Variants in PDE4D observed in about 807,000 individuals in gnomAD.
The protein encoded by PDE4D is phosphodiesterase 4D.
PDE4D carries 24 observed loss-of-function variants against 87.4 expected under a neutral mutation model. The ratio of observed to expected loss-of-function variants is 0.27; its 90% confidence interval spans 0.20 to 0.39. PDE4D has a LOEUF of 0.39. Ranked by LOEUF, PDE4D falls within the 10% of genes least tolerant of loss-of-function variation. PDE4D has a pLI of 1.00. For synonymous variants in PDE4D, 384 were observed against 383.2 expected (o/e 1.00, Z -0.02); for missense variants, 714 against 1,041.0 (o/e 0.69, Z 4.32).
At chr5:59,147,546 C>T (rs1216947444) in intron 5 of PDE4D, among the ~76,000 whole-genome samples, 1 of 152,134 alleles carries the variant, frequency 6.6e-6, no homozygotes, top group Non-Finnish European at 1.5e-5. Flanking sequence ...TTGGCCAAAT[C>T]AGAACCTAGA....
rs920606618 is a variant in PDE4D, at chr5:59,557,396, C to T, written c.455+335772G>A. 5.9e-5 allele frequency among the ~76,000 whole-genome samples: 9 copies of T among 152,274 alleles called. No individual in the cohort carries two copies. In the South Asian group the frequency reaches 1.5e-3, roughly 25 times the overall value. On this transcript the variant is annotated intron_variant, in intron 1 of 14. Coordinates refer to ENST00000340635, the MANE Select transcript of PDE4D (RefSeq NM_001104631.2). ...TCACATAGTGAGTTTTATTTTCTGG[C>T]CAGGTTGGCATTTTGAGATCTAGAA...
chr5:60,430,237 G>GACCCTTCTTCTTCTCATC (rs1744103368), intron 1 of PDE4D: 1 of 517,532 alleles, frequency 1.9e-6, no homozygotes, highest in African/African-American at 1.9e-5. Flanking sequence ...GATGGCGAAT[G>GACCCTTCTTCTTCTCATC]ACCCTTCTTC....
At chr5:60,302,916 G>A (rs185725362) in intron 1 of PDE4D, among the ~76,000 whole-genome samples, 10 of 152,044 alleles carry the variant, frequency 6.6e-5, no homozygotes, top group South Asian at 4.2e-4. Flanking sequence ...TCCAACCTCC[G>A]CCTCTCAGGT....
At chr5:60,133,125 T>C (rs1779728765) in intron 2 of PDE4D, among the ~76,000 whole-genome samples, 1 of 152,178 alleles carries the variant, frequency 6.6e-6, no homozygotes, top group Non-Finnish European at 1.5e-5. Context: ...CTGTGTAACC[T>C]GGAGTAAGTC....
intron 1 of PDE4D, among the ~76,000 whole-genome samples, chr5:60,388,803 A>C (rs1390676975): frequency 6.6e-6 from 1 of 152,196 alleles, no homozygotes; most frequent in Non-Finnish European, 1.5e-5. Context: ...GGATTATGGG[A>C]GCTAGAAGCC....
intron 2 of PDE4D, among the ~76,000 whole-genome samples, chr5:60,083,206 C>T (rs562777801): frequency 6.6e-6 from 1 of 152,260 alleles, no homozygotes. Flanking sequence ...TATATATTTG[C>T]TGAATAAATA....
chr5:59,246,322 G>A (rs1196738507), intron 1 of PDE4D, among the ~76,000 whole-genome samples: 2 of 152,034 alleles, frequency 1.3e-5, no homozygotes, highest in Non-Finnish European at 2.9e-5. Flanking sequence ...TTGCTTCACT[G>A]TAGGTCTGTG....
intron 5 of PDE4D, among the ~76,000 whole-genome samples, chr5:59,149,101 C>T (rs1371921056): frequency 6.6e-6 from 1 of 152,004 alleles, no homozygotes; most frequent in Admixed American, 6.6e-5. Flanking sequence ...TTAATTATTC[C>T]CCTCCTCCCT....
chr5:59,564,017 G>T (rs1332885977), intron 1 of PDE4D, among the ~76,000 whole-genome samples: 5 of 152,116 alleles, frequency 3.3e-5, no homozygotes, highest in African/African-American at 1.2e-4. Flanking sequence ...GAGGAAGGGA[G>T]CATGTACTCT....
At chr5:59,580,872 A>T (rs1363106417) in intron 1 of PDE4D, among the ~76,000 whole-genome samples, 1 of 152,176 alleles carries the variant, frequency 6.6e-6, no homozygotes, top group African/African-American at 2.4e-5. Flanking sequence ...TGCTTTTTTT[A>T]AATTATTTTT....
chr5:60,315,936 C>A (rs2149824947), intron 1 of PDE4D, among the ~76,000 whole-genome samples: 1 of 152,144 alleles, frequency 6.6e-6, no homozygotes, highest in Non-Finnish European at 1.5e-5. Context: ...TTCCAGCTTT[C>A]TTCTGTTGGC....
intron 2 of PDE4D, among the ~76,000 whole-genome samples, chr5:60,155,660 C>A (rs1299808495): frequency 1.3e-5 from 2 of 152,110 alleles, no homozygotes; most frequent in Admixed American, 6.6e-5. Flanking sequence ...GACTTATAAA[C>A]CTTGACTTAA....
intron 1 of PDE4D, among the ~76,000 whole-genome samples, chr5:59,847,947 A>G (rs1561760021): frequency 1.3e-5 from 2 of 152,100 alleles, no homozygotes; most frequent in Non-Finnish European, 2.9e-5. Flanking sequence ...GGAAGGTTCA[A>G]GTATTTCATT....
At chr5:59,790,916 C>T (rs564561058) in intron 1 of PDE4D, among the ~76,000 whole-genome samples, 2 of 152,174 alleles carry the variant, frequency 1.3e-5, no homozygotes, top group African/African-American at 2.4e-5. Flanking sequence ...TTGTGCTCAG[C>T]GTGGGTTCTT....
chr5:60,263,068 T>G (rs1749817039), intron 1 of PDE4D, among the ~76,000 whole-genome samples: 1 of 152,180 alleles, frequency 6.6e-6, no homozygotes. Context: ...AGCCAATTAG[T>G]GCTGGTTGCT....
rs1331458039 is a variant in PDE4D at position 58,991,877 on chromosome 5, G to A, written c.1143C>T (p.Ile381=). 3 of 1,568,912 alleles carry A rather than the reference G, an allele frequency of 1.9e-6. No homozygotes were observed. The highest frequency in any genetic ancestry group is 2.6e-6 in the Non-Finnish European group (3 of 1,159,994). Reference sequence around the variant, plus strand: ...GTTCAGTTTTAACTCCAAACCTTGGGATACTTGAATTAGTCAGACTAGAGC... The same window carrying A: ...GTTCAGTTTTAACTCCAAACCTTGGAATACTTGAATTAGTCAGACTAGAGC... ...MHSSSLTNSS[I]PRFGVKTEQE... is the part of the protein sequence containing the mutation. Residue 381 remains isoleucine, a synonymous_variant, in exon 8 of 15, where the codon ATC becomes ATT. Transcript: ENST00000340635.
At chr5:59,122,231 A>C (rs570593565) in intron 5 of PDE4D, among the ~76,000 whole-genome samples, 1 of 152,214 alleles carries the variant, frequency 6.6e-6, no homozygotes, top group Non-Finnish European at 1.5e-5. Flanking sequence ...TCAGCCATAA[A>C]AAAGAATAAA....
chr5:59,997,228 A>G (rs1763600527), intron 2 of PDE4D, among the ~76,000 whole-genome samples: 1 of 152,190 alleles, frequency 6.6e-6, no homozygotes, highest in African/African-American at 2.4e-5. Flanking sequence ...TCACAGTTAC[A>G]TACAGTAATA....
intron 1 of PDE4D, among the ~76,000 whole-genome samples, chr5:59,880,290 TG>T (rs1749252214): frequency 6.6e-6 from 1 of 151,912 alleles, no homozygotes; most frequent in African/African-American, 2.4e-5. Context: ...TTGTATTTTT[TG>T]TAGAGACAGG....
Sources: gnomAD v4.1 joint callset for allele counts (sites outside exome capture counted in the v4.1 genomes callset) on GRCh38, gnomAD v4.1.1 for gene constraint, MANE v1.5 for transcripts, NCBI Gene and HGNC (gene_info 2026-07-23, HGNC 2026-07-21) for gene names.